Variants in TNIK observed in about 807,000 individuals in gnomAD.
The protein encoded by TNIK is TRAF2 and NCK-interacting protein kinase.
In TNIK, 49 loss-of-function variants were observed where a neutral mutation model predicts 191.3. The observed-to-expected ratio is 0.26, with a 90% CI of 0.20 to 0.32. The LOEUF (loss-of-function observed/expected upper bound fraction) is 0.32, where lower values mean the gene tolerates loss of function less well. Ranked by LOEUF, TNIK falls within the 10% of genes least tolerant of loss-of-function variation. The pLI is 1.00. For missense variants in TNIK, 1,155 were observed against 1,702.3 expected (o/e 0.68, Z 5.66); for synonymous variants, 594 against 600.9 (o/e 0.99, Z 0.17).
chr3:171,248,722 A>C (rs1383164847), intron 2 of TNIK, among the ~76,000 whole-genome samples: 1 of 152,220 alleles, frequency 6.6e-6, no homozygotes, highest in Non-Finnish European at 1.5e-5. Context: ...GTGAATAATA[A>C]GAGTGGGGTG....
intron 3 of TNIK, among the ~76,000 whole-genome samples, chr3:171,214,218 G>A (rs144005111): frequency 1.4e-3 from 205 of 151,638 alleles, no homozygotes; most frequent in African/African-American, 4.7e-3. Flanking sequence ...AAGGAAGACC[G>A]TTACTAGATG....
At chr3:171,149,820 G>A (rs1357572166) in intron 12 of TNIK, among the ~76,000 whole-genome samples, 1 of 152,188 alleles carries the variant, frequency 6.6e-6, no homozygotes, top group East Asian at 1.9e-4. Flanking sequence ...GTTCAATCTT[G>A]TGTTGATGCT....
intron 2 of TNIK, among the ~76,000 whole-genome samples, chr3:171,300,924 C>CA (rs1752810391): frequency 6.6e-6 from 1 of 152,098 alleles, no homozygotes; most frequent in African/African-American, 2.4e-5. Flanking sequence ...CTCTGGTCTT[C>CA]AGCAACCATC....
chr3:171,201,135 T>TA (rs1186259335), intron 4 of TNIK, among the ~76,000 whole-genome samples: 2 of 152,150 alleles, frequency 1.3e-5, no homozygotes, highest in African/African-American at 2.4e-5. Context: ...CACAGTGGCT[T>TA]ACGCCTGTAA....
At chr3:171,410,532 C>T (rs1020378981) in intron 1 of TNIK, among the ~76,000 whole-genome samples, 7 of 152,060 alleles carry the variant, frequency 4.6e-5, no homozygotes, top group Non-Finnish European at 8.8e-5. Flanking sequence ...GTAATCCCAG[C>T]ACTTTGGGAG....
chr3:171,396,822 A>G (rs1015456514), intron 1 of TNIK, among the ~76,000 whole-genome samples: 8 of 152,162 alleles, frequency 5.3e-5, no homozygotes, highest in Non-Finnish European at 8.8e-5. Flanking sequence ...ACCATTTTTA[A>G]GGTATTTTTC....
At chr3:171,139,449 G>A in intron 14 of TNIK, 21 bp downstream of exon 14, 2 of 1,609,072 alleles carry the variant, frequency 1.2e-6, no homozygotes, top group East Asian at 2.2e-5. Context: ...CAGGTCAGCT[G>A]GTTCTTGGCT....
chr3:171,211,379 A>C (rs895375422), intron 3 of TNIK, 138 bp from the exon 4 acceptor site: 2 of 1,013,766 alleles, frequency 2.0e-6, no homozygotes, highest in Admixed American at 5.3e-5. Context: ...ATATGAGGGC[A>C]AAGAACAATT....
At chr3:171,433,937 CTTTTTTTTTTTTTT>C (rs67036993) in intron 1 of TNIK, among the ~76,000 whole-genome samples, 4 of 71,152 alleles carry the variant, frequency 5.6e-5, no homozygotes, top group East Asian at 4.7e-4. Flanking sequence ...TTTCTTTTTC[CTTTTTTTTTTTTTT>C]TTTTTTTTTT....
At chr3:171,361,524 ACTTGGGGAT>A (rs1271961617) in intron 2 of TNIK, among the ~76,000 whole-genome samples, 1 of 152,116 alleles carries the variant, frequency 6.6e-6, no homozygotes, top group African/African-American at 2.4e-5. Context: ...GATGCAAACA[ACTTGGGGAT>A]CTATGAGGAT....
chr3:171,132,113 G>C (rs1003183789), intron 15 of TNIK, among the ~76,000 whole-genome samples: 1 of 152,180 alleles, frequency 6.6e-6, no homozygotes. Context: ...CTTCCAAGAA[G>C]ACATAAAATG....
Position 171,136,297 on chromosome 3 carries a change from A to G in TNIK, c.1608+1894T>C, listed in dbSNP as rs1258786209. 2.6e-5 allele frequency among the ~76,000 whole-genome samples: 4 copies of G among 152,316 alleles called. No individual in the cohort carries two copies. In the East Asian group the frequency reaches 7.7e-4, roughly 29 times the overall value. Reference sequence around the variant, plus strand: ...TAGAAAAGTAGAAGCACTTGTAAAGATGCATGAGTTCATGCTCTTCCTGCC... The same window carrying G: ...TAGAAAAGTAGAAGCACTTGTAAAGGTGCATGAGTTCATGCTCTTCCTGCC... On this transcript the variant is annotated intron_variant, in intron 15 of 32. Coordinates refer to ENST00000436636, the MANE Select transcript of TNIK (RefSeq NM_015028.4).
chr3:171,118,307 G>A (rs1265347873), intron 18 of TNIK, among the ~76,000 whole-genome samples: 1 of 152,222 alleles, frequency 6.6e-6, no homozygotes, highest in Non-Finnish European at 1.5e-5. Flanking sequence ...AGAAATGGAA[G>A]AGCATTTCAT....
At chr3:171,105,442 G>A (rs1172362983) in intron 21 of TNIK, among the ~76,000 whole-genome samples, 2 of 152,182 alleles carry the variant, frequency 1.3e-5, no homozygotes, top group African/African-American at 2.4e-5. Flanking sequence ...TAAGGGAAGA[G>A]GAGTGGAGGA....
chr3:171,350,131 C>T (rs1421654845), intron 2 of TNIK, among the ~76,000 whole-genome samples: 2 of 152,144 alleles, frequency 1.3e-5, no homozygotes, highest in Non-Finnish European at 2.9e-5. Flanking sequence ...TTGCCTCTGC[C>T]AATATTGTCT....
chr3:171,418,198 C>A (rs1723329362), intron 1 of TNIK, among the ~76,000 whole-genome samples: 1 of 152,142 alleles, frequency 6.6e-6, no homozygotes, highest in Non-Finnish European at 1.5e-5. Flanking sequence ...ACATAATTAT[C>A]AAATTTCAAA....
At chr3:171,170,746 T>C (rs1164902011) in intron 9 of TNIK, among the ~76,000 whole-genome samples, 1 of 152,130 alleles carries the variant, frequency 6.6e-6, no homozygotes, top group Non-Finnish European at 1.5e-5. Flanking sequence ...CTTTAGGACT[T>C]AGGAGCAGAA....
intron 12 of TNIK, among the ~76,000 whole-genome samples, chr3:171,144,853 T>A (rs1468716766): frequency 1.3e-5 from 2 of 152,228 alleles, no homozygotes. Context: ...AGTGAGATCA[T>A]ATGGTATTTG....
chr3:171,219,408 T>C (rs914584146), intron 3 of TNIK, among the ~76,000 whole-genome samples: 10 of 150,478 alleles, frequency 6.6e-5, no homozygotes, highest in African/African-American at 1.7e-4. Flanking sequence ...TAACACATAA[T>C]GCAGCACCTA....
Sources: gnomAD v4.1 joint callset for allele counts (sites outside exome capture counted in the v4.1 genomes callset) on GRCh38, gnomAD v4.1.1 for gene constraint, MANE v1.5 for transcripts, NCBI Gene and HGNC (gene_info 2026-07-23, HGNC 2026-07-21) for gene names.